The following COBL variants were observed in gnomAD, a reference collection of about 807,000 sequenced individuals.
COBL encodes the protein protein cordon-bleu.
COBL carries 51 observed loss-of-function variants against 98.8 expected under a neutral mutation model. The ratio of observed to expected loss-of-function variants is 0.52; its 90% confidence interval spans 0.41 to 0.65. The LOEUF is 0.65. Among genes scored for constraint, COBL ranks in the 30% least tolerant of loss-of-function variants. The pLI, the probability that COBL is intolerant of heterozygous loss-of-function variation, is 0.00. For synonymous variants in COBL, 634 were observed against 651.7 expected (o/e 0.97, Z 0.41); for missense variants, 1,617 against 1,617.5 (o/e 1.00, Z 0.01).
rs115560804 is a variant in COBL, at chr7:51,054,755, T to C, written c.1097-11063A>G. On this transcript the variant is annotated intron_variant, in intron 7 of 12. Transcript: ENST00000265136. ...CTCATTTTCTGTGCAACACAAAGCT[T>C]GGCTACGCATTTACAATGATGTCCA... Among the ~76,000 whole-genome samples, 1,059 of 152,334 alleles carry C rather than the reference T, an allele frequency of 7.0e-3. 13 individuals carry two copies. The highest frequency in any genetic ancestry group is 0.025 in the African/African-American group (1,026 of 41,572).
At chr7:51,206,008 A>C (rs1791661862) in intron 2 of COBL, among the ~76,000 whole-genome samples, 1 of 152,222 alleles carries the variant, frequency 6.6e-6, no homozygotes, top group South Asian at 2.1e-4. Flanking sequence ...ACCTGTTAGA[A>C]TGGCAATTTT....
chr7:51,217,275 G>A (rs1241981796), intron 2 of COBL, among the ~76,000 whole-genome samples: 7 of 150,656 alleles, frequency 4.6e-5, no homozygotes, highest in Non-Finnish European at 1.0e-4. Flanking sequence ...TTGTGCATTT[G>A]TAAAACTGGA....
Position 51,193,537 on chromosome 7 carries a change from G to C in COBL, c.298C>G (p.Pro100Ala), listed in dbSNP as rs1042235188. The C allele has an allele frequency of 6.2e-7, 1 of 1,614,176 alleles. No homozygotes were observed. Among genetic ancestry groups the C allele is most frequent in the Admixed American group, 1.7e-5 (1 of 60,018 alleles). The change falls in exon 3 of 13, where the codon CCA becomes GCA. Residue 100 changes from proline (P) to alanine (A), a missense_variant. Coordinates refer to ENST00000265136, the MANE Select transcript of COBL (RefSeq NM_015198.5). ...CGAATTTCAAGGGCATGGTGGGATGGATTCAGGTGGTTCTGAAGGCAAAGT... is the reference window on the plus strand; with the variant it reads ...CGAATTTCAAGGGCATGGTGGGATGCATTCAGGTGGTTCTGAAGGCAAAGT... ...VELCLQNHLN[P>A]SHHALEIRSS...
chr7:51,030,569 A>G (rs1788036693), intron 9 of COBL, among the ~76,000 whole-genome samples: 1 of 152,218 alleles, frequency 6.6e-6, no homozygotes, highest in Non-Finnish European at 1.5e-5. Context: ...AATTAGTATT[A>G]TTCAGAGCAC....
At chr7:51,217,375 CTT>C (rs1447544829) in intron 2 of COBL, among the ~76,000 whole-genome samples, 3 of 120,962 alleles carry the variant, frequency 2.5e-5, no homozygotes, top group Non-Finnish European at 4.9e-5. Flanking sequence ...GAGTTTCTCT[CTT>C]GTTGCCCAGG....
Position 51,043,689 on chromosome 7 carries a change from C to T in COBL, c.1100G>A (p.Ser367Asn). 1 of 1,612,266 alleles carries T rather than the reference C, an allele frequency of 6.2e-7. No individual in the cohort carries two copies. The highest frequency in any genetic ancestry group is 1.3e-5 in the African/African-American group (1 of 75,044). ...KEENRKSTMVSLPLGSGSHCS... is the reference protein window; with the variant it reads ...KEENRKSTMVNLPLGSGSHCS... The stretch of plus-strand genomic sequence containing the variant: ...GTGGCTGCCAGACCCCAGGGGCAGG[C>T]TTACTGGACAAGACACGGCAAGGAC... The change falls in exon 8 of 13, where the codon AGC (serine) becomes AAC (asparagine). Residue 367 changes from serine to asparagine, a missense_variant. Coordinates refer to ENST00000265136, the MANE Select transcript of COBL (RefSeq NM_015198.5).
intron 1 of COBL, 42 bp downstream of exon 1, chr7:51,316,551 G>A (rs1803620491): frequency 8.3e-7 from 1 of 1,209,858 alleles, no homozygotes; most frequent in African/African-American, 1.6e-5. Flanking sequence ...CCGAGCCCAG[G>A]GAAGCCCCCT....
intron 1 of COBL, among the ~76,000 whole-genome samples, chr7:51,236,096 C>T (rs1172164609): frequency 6.6e-6 from 1 of 152,224 alleles, no homozygotes; most frequent in Non-Finnish European, 1.5e-5. Flanking sequence ...GAAACTAACG[C>T]TGACCAACAC....
At chr7:51,264,839 A>AG (rs1798057944) in intron 1 of COBL, among the ~76,000 whole-genome samples, 1 of 152,192 alleles carries the variant, frequency 6.6e-6, no homozygotes, top group African/African-American at 2.4e-5. Context: ...CCAAAGGTTC[A>AG]TTACATTGTT....
intron 6 of COBL, among the ~76,000 whole-genome samples, chr7:51,120,599 T>TA (rs1185175567): frequency 6.6e-6 from 1 of 152,198 alleles, no homozygotes; most frequent in Non-Finnish European, 1.5e-5. Flanking sequence ...TTTCATCTTG[T>TA]AAAACTGAAA....
At chr7:51,036,336 C>CAAAA (rs59610375) in intron 8 of COBL, among the ~76,000 whole-genome samples, 3 of 94,208 alleles carry the variant, frequency 3.2e-5, no homozygotes, top group African/African-American at 8.7e-5. Context: ...GACTCCGTCT[C>CAAAA]AAAAAAAAAA....
At chr7:51,177,404 A>C (rs1374593258) in intron 5 of COBL, among the ~76,000 whole-genome samples, 1 of 152,234 alleles carries the variant, frequency 6.6e-6, no homozygotes, top group African/African-American at 2.4e-5. Context: ...TAATATATGT[A>C]ATTAAATCTA....
At chr7:51,142,946 G>A (rs1033960043) in intron 5 of COBL, among the ~76,000 whole-genome samples, 6 of 152,132 alleles carry the variant, frequency 3.9e-5, no homozygotes, top group Non-Finnish European at 7.3e-5. Context: ...ACAGCAGACC[G>A]CAGAAGCTCA....
intron 7 of COBL, among the ~76,000 whole-genome samples, chr7:51,049,697 T>A (rs1333223556): frequency 6.6e-6 from 1 of 152,042 alleles, no homozygotes; most frequent in African/African-American, 2.4e-5. Context: ...TAGAGGACAG[T>A]TGGGTCAAAA....
At chr7:51,135,706 T>G (rs553386657) in intron 6 of COBL, among the ~76,000 whole-genome samples, 22 of 152,290 alleles carry the variant, frequency 1.4e-4, no homozygotes, top group African/African-American at 4.8e-4. Context: ...CTAGGCCACA[T>G]GACACATGCG....
At position 51,026,555 on chromosome 7, in the gene COBL, G is replaced by C. The variant is rs1216380789; in HGVS notation, c.3495C>G (p.Ser1165Arg). Reference protein sequence around the residue: ...AAIRGHSGTCSLRKVASSASE... With the variant: ...AAIRGHSGTCRLRKVASSASE... ...GCCCTTCACCTCTTACCTTCCTCAG[G>C]CTGCAGGTGCCGCTGTGCCCGCGGA... Residue 1165 changes from serine to arginine, a missense_variant, in exon 11 of 13, where the codon AGC becomes AGG. This residue lies in a region of COBL where 1,304 missense variants were observed against 1,282.0 expected (regional missense o/e 1.02). Transcript: ENST00000265136. 6.2e-7 allele frequency: 1 copy of C among 1,614,010 alleles called. No homozygotes were observed. Among genetic ancestry groups the C allele is most frequent in the Non-Finnish European group, 8.5e-7 (1 of 1,180,018 alleles).
intron 1 of COBL, among the ~76,000 whole-genome samples, chr7:51,265,504 GC>G (rs1171465717): frequency 1.3e-5 from 2 of 152,206 alleles, no homozygotes; most frequent in African/African-American, 2.4e-5. Context: ...GGTGTTTGCA[GC>G]CCTAGGAATA....
chr7:51,130,920 T>A (rs187689573), intron 6 of COBL, among the ~76,000 whole-genome samples: 1 of 152,382 alleles, frequency 6.6e-6, no homozygotes, highest in East Asian at 1.9e-4. Flanking sequence ...ATGTATACAC[T>A]GTGCTGAGAT....
intron 2 of COBL, among the ~76,000 whole-genome samples, chr7:51,199,603 T>C (rs930012690): frequency 1.5e-4 from 22 of 151,714 alleles, no homozygotes; most frequent in Admixed American, 2.6e-4. Flanking sequence ...ATGAACAAAA[T>C]GAGAAATTTA....
Sources: allele counts gnomAD v4.1 joint callset (sites outside exome capture counted in the v4.1 genomes callset), GRCh38; gene constraint gnomAD v4.1.1; regional missense constraint gnomAD v4.1.1; transcripts MANE v1.5; gene names NCBI Gene and HGNC (gene_info 2026-07-23, HGNC 2026-07-21).